RAVER2: variants seen among roughly 807,000 people sequenced by gnomAD.
RAVER2 encodes ribonucleoprotein PTB-binding 2.
Under a neutral mutation model 78.1 loss-of-function variants are expected in RAVER2, and 46 were observed. The observed-to-expected ratio is 0.59, with a 90% CI of 0.46 to 0.75. The LOEUF (loss-of-function observed/expected upper bound fraction) is 0.75, where lower values mean the gene tolerates loss of function less well. RAVER2 is among the 30% of genes least tolerant of loss of function. The probability of loss-of-function intolerance (pLI) is 0.00; values close to 1 mark genes in which losing one functional copy is unlikely to be tolerated. For synonymous variants in RAVER2, 311 were observed against 313.3 expected, an observed-to-expected ratio of 0.99 and a Z score of 0.08; for missense variants, 793 against 837.5, an observed-to-expected ratio of 0.95 and a Z score of 0.66.
At chr1:64,768,576 G>C (rs777956274) in intron 1 of RAVER2, 80 bp from the exon 2 acceptor site, 22 of 823,602 alleles carry the variant, frequency 2.7e-5, no homozygotes, top group Non-Finnish European at 4.1e-5. Context: ...AATGGTGGTG[G>C]TGGTGGTAGG....
At chr1:64,759,866 G>T (rs189250779) in intron 1 of RAVER2, among the ~76,000 whole-genome samples, 2 of 151,906 alleles carry the variant, frequency 1.3e-5, no homozygotes, top group East Asian at 3.9e-4. Flanking sequence ...TGTTAATGTC[G>T]TAAAATAATC....
intron 1 of RAVER2, among the ~76,000 whole-genome samples, chr1:64,762,100 A>C (rs1429814835): frequency 6.6e-6 from 1 of 152,272 alleles, no homozygotes; most frequent in Non-Finnish European, 1.5e-5. Flanking sequence ...TCAATGTACA[A>C]GTATAAATGA....
At chr1:64,760,121 A>T (rs921693638) in intron 1 of RAVER2, among the ~76,000 whole-genome samples, 2 of 151,538 alleles carry the variant, frequency 1.3e-5, no homozygotes, top group Non-Finnish European at 2.9e-5. Context: ...AAAAAAAAAA[A>T]GCCTGTGGAA....
chr1:64,824,738 T>C (rs2100902222), intron 11 of RAVER2, among the ~76,000 whole-genome samples: 1 of 152,030 alleles, frequency 6.6e-6, no homozygotes. Flanking sequence ...AAGACCAGCT[T>C]GGCCAACAGG....
intron 11 of RAVER2, among the ~76,000 whole-genome samples, chr1:64,829,429 G>T (rs538806106): frequency 6.6e-6 from 1 of 152,282 alleles, no homozygotes; most frequent in African/African-American, 2.4e-5. Context: ...TTAGTGGCTG[G>T]GGTCCAACAT....
At chr1:64,796,552 A>C (rs978718353) in intron 5 of RAVER2, among the ~76,000 whole-genome samples, 1 of 152,144 alleles carries the variant, frequency 6.6e-6, no homozygotes, top group African/African-American at 2.4e-5. Flanking sequence ...ATTTATTGGC[A>C]TAACATTGTT....
At chr1:64,797,316 T>G (rs548530728) in intron 5 of RAVER2, among the ~76,000 whole-genome samples, 2 of 152,300 alleles carry the variant, frequency 1.3e-5, no homozygotes, top group Admixed American at 1.3e-4. Context: ...TGGGGCATAG[T>G]GGGAGTCCTA....
chr1:64,808,654 G>A (rs978544060), intron 9 of RAVER2, among the ~76,000 whole-genome samples: 3 of 151,762 alleles, frequency 2.0e-5, no homozygotes, highest in African/African-American at 4.8e-5. Context: ...TAGAGATGGG[G>A]TTTCACCATG....
chr1:64,822,245 G>A (rs529943495), intron 11 of RAVER2, among the ~76,000 whole-genome samples: 10 of 152,292 alleles, frequency 6.6e-5, no homozygotes, highest in African/African-American at 1.4e-4. Context: ...CCAAGATTGC[G>A]CCACTGCACT....
intron 4 of RAVER2, among the ~76,000 whole-genome samples, chr1:64,787,134 TG>T (rs1228956601): frequency 1.3e-5 from 2 of 152,266 alleles, no homozygotes; most frequent in African/African-American, 4.8e-5. Context: ...ATTTTATTTT[TG>T]TAATGTCTAT....
chr1:64,813,014 A>G (rs1226112494), intron 10 of RAVER2, among the ~76,000 whole-genome samples, 165 bp downstream of exon 10: 1 of 152,240 alleles, frequency 6.6e-6, no homozygotes, highest in Non-Finnish European at 1.5e-5. Context: ...AGACACTCAA[A>G]ATGCGTGCTA....
chr1:64,760,235 A>G (rs1037030381), intron 1 of RAVER2, among the ~76,000 whole-genome samples: 2 of 152,130 alleles, frequency 1.3e-5, no homozygotes, highest in Admixed American at 1.3e-4. Context: ...GCTGAGAAAT[A>G]TAGTTGTTAT....
intron 11 of RAVER2, among the ~76,000 whole-genome samples, chr1:64,823,522 G>A (rs1418684393): frequency 6.6e-6 from 1 of 152,162 alleles, no homozygotes. Context: ...TGTACAAATT[G>A]AGTTTGAAAT....
chr1:64,818,190 A>T (rs1237003687), intron 11 of RAVER2, among the ~76,000 whole-genome samples: 1 of 152,226 alleles, frequency 6.6e-6, no homozygotes, highest in Admixed American at 6.5e-5. Flanking sequence ...TGGCATTTCC[A>T]TTATTGATGT....
Position 64,750,296 on chromosome 1 carries a change from C to T in RAVER2, c.249+4875C>T, listed in dbSNP as rs553248904. On this transcript the variant is annotated intron_variant, in intron 1 of 11. Coordinates refer to ENST00000294428, the Ensembl canonical transcript of RAVER2. ...AATTTTTTTCTGCTCTTTCTCTTTT[C>T]TTTTTCTTTTCTTTTTTTTTTTTTT... Among the ~76,000 whole-genome samples, 453 of 149,574 alleles carry T rather than the reference C, an allele frequency of 3.0e-3. 1 individual carries two copies. The highest frequency in any genetic ancestry group is 5.2e-3 in the Non-Finnish European group (351 of 67,442).
At position 64,824,932 on chromosome 1, in the gene RAVER2, C is replaced by CA. The variant is rs56179197; in HGVS notation, c.1930-5880dup. On this transcript the variant is annotated intron_variant, in intron 11 of 11. Transcript: ENST00000294428. ...GGCAACAGAGCGAGACCCTGTCTCC[C>CA]AAAAAAAAAAAAAAAAAAAAAAAAA... is the stretch of plus-strand genomic sequence containing the variant. Among the ~76,000 whole-genome samples the CA allele has an allele frequency of 5.6e-3, 443 of 79,388 alleles. 33 individuals are homozygous for CA. The highest frequency in any genetic ancestry group is 0.02 in the African/African-American group (255 of 12,880). The allele number at this position is 79,388 out of a possible 152,430, so 52.1% of individuals were successfully genotyped here. A position where few individuals can be genotyped will look rare whatever the true frequency, so the allele number is the denominator to read the frequency against.
At chr1:64,751,541 A>G (rs772664809) in intron 1 of RAVER2, among the ~76,000 whole-genome samples, 2 of 152,078 alleles carry the variant, frequency 1.3e-5, no homozygotes, top group Non-Finnish European at 2.9e-5. Flanking sequence ...TGATTCTTCT[A>G]TTTGCACTTA....
At chr1:64,830,702 T>C in intron 11 of RAVER2, 137 bp from the exon 12 acceptor site, 2 of 737,194 alleles carry the variant, frequency 2.7e-6, no homozygotes, top group Non-Finnish European at 4.2e-6. Flanking sequence ...GGGGTTTGTG[T>C]ATTTTTTGAT....
intron 1 of RAVER2, among the ~76,000 whole-genome samples, chr1:64,749,807 G>A (rs970491230): frequency 1.3e-5 from 2 of 152,112 alleles, no homozygotes; most frequent in African/African-American, 4.8e-5. Context: ...TCTAATATAT[G>A]TGTTATTGTA....
Sources: gnomAD v4.1 joint callset for allele counts (sites outside exome capture counted in the v4.1 genomes callset) on GRCh38, gnomAD v4.1.1 for gene constraint, MANE v1.5 for transcripts, NCBI Gene and HGNC (gene_info 2026-07-23, HGNC 2026-07-21) for gene names.